Variants in FEZ1 observed in about 807,000 individuals in gnomAD.
FEZ1 encodes the protein fasciculation and elongation protein zeta 1, also known as fasciculation and elongation protein zeta-1.
A neutral mutation model predicts 49.3 loss-of-function variants in FEZ1; 20 were observed. That is an observed-to-expected ratio of 0.41 (90% CI 0.29 to 0.59). The LOEUF (loss-of-function observed/expected upper bound fraction) is 0.59, where lower values mean the gene tolerates loss of function less well. Ranked by LOEUF, FEZ1 falls within the 20% of genes least tolerant of loss-of-function variation. The pLI, the probability that FEZ1 is intolerant of heterozygous loss-of-function variation, is 0.36. For missense variants in FEZ1, 413 were observed against 476.0 expected (o/e 0.87, Z 1.23); for synonymous variants, 170 against 180.9 (o/e 0.94, Z 0.48).
At position 125,481,519 on chromosome 11, in the gene FEZ1, G is replaced by A. The variant is rs777457771; in HGVS notation, c.411+15C>T. ...CATCTCAAGCCCTGCTAAACCAGGG[G>A]CCCCGGAGAGGTACCTCAGTGTCAG... On this transcript the variant is annotated intron_variant, in intron 3 of 9. Transcript: ENST00000278919. 6.6e-7 allele frequency: 1 copy of A among 1,515,418 alleles called. No homozygotes were observed. The highest frequency in any genetic ancestry group is 1.7e-5 in the Admixed American group (1 of 59,908). The allele number at this position is 1,515,418 out of a possible 1,614,324, so 93.9% of individuals were successfully genotyped here. A position where few individuals can be genotyped will look rare whatever the true frequency, so the allele number is the denominator to read the frequency against.
Position 125,460,577 on chromosome 11 carries a change from A to G in FEZ1, c.588T>C (p.Thr196=). 1 of 1,613,756 alleles carries G rather than the reference A, an allele frequency of 6.2e-7. No homozygotes were observed. Among genetic ancestry groups the G allele is most frequent in the East Asian group, 2.2e-5 (1 of 44,872 alleles). The change falls in exon 5 of 10, where the codon ACT becomes ACC. Residue 196 remains threonine, a synonymous_variant. Transcript: ENST00000278919. Reference sequence around the variant, plus strand: ...GGAGGACCGAGTCTGCCTGGGAGGAAGTTTCTCCTCCATCCTCTTCTTCCA... The same window carrying G: ...GGAGGACCGAGTCTGCCTGGGAGGAGGTTTCTCCTCCATCCTCTTCTTCCA... ...EVLEEEDGGE[T]SSQADSVLLQ... is the part of the protein sequence containing the mutation.
intron 2 of FEZ1, among the ~76,000 whole-genome samples, chr11:125,484,225 G>A (rs1045376562): frequency 5.3e-5 from 8 of 152,108 alleles, no homozygotes; most frequent in African/African-American, 1.4e-4. Context: ...AACCAGATTC[G>A]AAACATGGAT....
intron 2 of FEZ1, among the ~76,000 whole-genome samples, chr11:125,482,700 C>G (rs1319063819): frequency 6.6e-6 from 1 of 152,066 alleles, no homozygotes; most frequent in Non-Finnish European, 1.5e-5. Context: ...CGCGATGGCT[C>G]ACGCCTGAAA....
In FEZ1 at chr11:125,489,099, T is replaced by C; in HGVS notation, c.311+368A>G. The C allele has an allele frequency of 4.0e-6, 4 of 994,148 alleles. No individual in the cohort carries two copies. The highest frequency in any genetic ancestry group is 4.8e-6 in the Non-Finnish European group (4 of 836,040). 61.6% of individuals were successfully genotyped at this position (994,148 alleles called of 1,614,324 possible). A position where few individuals can be genotyped will look rare whatever the true frequency, so the allele number is the denominator to read the frequency against. On this transcript the variant is annotated intron_variant, in intron 2 of 9. Coordinates refer to ENST00000278919, the MANE Select transcript of FEZ1 (RefSeq NM_005103.5). The surrounding 1 kb of genome is among the most constrained non-coding windows in gnomAD (Gnocchi z 4.2). ...CTTGAAGCAAATTAGTCCAATAACATAGATTCATCCATCATGGTTAATTAA... is the reference window on the plus strand; with the variant it reads ...CTTGAAGCAAATTAGTCCAATAACACAGATTCATCCATCATGGTTAATTAA...
chr11:125,467,123 T>C (rs954942940), intron 3 of FEZ1, among the ~76,000 whole-genome samples: 16 of 151,474 alleles, frequency 1.1e-4, no homozygotes, highest in Admixed American at 2.6e-4. Context: ...AGCCTCTAAC[T>C]CCTTTGCTCG....
At chr11:125,449,616 G>C (rs952512862) in intron 8 of FEZ1, among the ~76,000 whole-genome samples, 4 of 152,064 alleles carry the variant, frequency 2.6e-5, no homozygotes, top group Admixed American at 2.0e-4. Context: ...CTGAGTGTAA[G>C]ACAATAGGGG....
intron 5 of FEZ1, among the ~76,000 whole-genome samples, chr11:125,457,429 A>AAAAAAAATATAT (rs1164500309): frequency 4.8e-5 from 1 of 20,912 alleles, no homozygotes; most frequent in Non-Finnish European, 7.9e-5. Context: ...AAAAAAAAAA[A>AAAAAAAATATAT]ATATATATAT....
In FEZ1 at chr11:125,473,150, A is replaced by G. The variant is rs1437211993; in HGVS notation, c.411+8384T>C. Among the ~76,000 whole-genome samples, 14 of 152,218 alleles carry G rather than the reference A, an allele frequency of 9.2e-5. No homozygotes were observed. The East Asian group carries it at 2.7e-3, about 29-fold the overall frequency. On this transcript the variant is annotated intron_variant, in intron 3 of 9. Coordinates refer to ENST00000278919, the MANE Select transcript of FEZ1 (RefSeq NM_005103.5). ...TACAGTGTGGGATTGGCATAAAGATAGACACATTTTAAAATAAATTAGGGA... is the reference window on the plus strand; with the variant it reads ...TACAGTGTGGGATTGGCATAAAGATGGACACATTTTAAAATAAATTAGGGA...
rs1005198148 is a variant in FEZ1, at chr11:125,460,225, T to C, written c.667+273A>G. On this transcript the variant is annotated intron_variant, in intron 5 of 9. Coordinates refer to ENST00000278919, the MANE Select transcript of FEZ1 (RefSeq NM_005103.5). Reference sequence around the variant, plus strand: ...GGTAGCATCATTCATTGCTTTTATATAGTAGTTCAGATTTCTTCTGCTTAT... The same window carrying C: ...GGTAGCATCATTCATTGCTTTTATACAGTAGTTCAGATTTCTTCTGCTTAT... The C allele has an allele frequency of 2.1e-5, 7 of 331,062 alleles. No homozygotes were observed. In the East Asian group the frequency reaches 3.0e-4, roughly 14 times the overall value. The allele number at this position is 331,062 out of a possible 1,614,324, so 20.5% of individuals were successfully genotyped here. A position where few individuals can be genotyped will look rare whatever the true frequency, so the allele number is the denominator to read the frequency against.
intron 3 of FEZ1, among the ~76,000 whole-genome samples, chr11:125,472,477 A>G (rs1286844846): frequency 1.3e-5 from 2 of 152,096 alleles, no homozygotes. Flanking sequence ...AAAATTATAA[A>G]CAAATGAATG....
intron 8 of FEZ1, among the ~76,000 whole-genome samples, chr11:125,450,087 G>A (rs1956940232): frequency 6.6e-6 from 1 of 151,628 alleles, no homozygotes; most frequent in Non-Finnish European, 1.5e-5. Context: ...GAGTGCAGTG[G>A]TGCGATCTCA....
In FEZ1 at chr11:125,481,681, C is replaced by T. The variant is rs990466938; in HGVS notation, c.312-48G>A. The T allele has an allele frequency of 3.8e-6, 5 of 1,307,140 alleles. No individual in the cohort carries two copies. The African/African-American group carries it at 7.2e-5, about 19-fold the overall frequency. The allele number at this position is 1,307,140 out of a possible 1,614,324, so 81.0% of individuals were successfully genotyped here. A position where few individuals can be genotyped will look rare whatever the true frequency, so the allele number is the denominator to read the frequency against. The stretch of plus-strand genomic sequence containing the variant: ...ATTAACACACATCTGTGGCCTGGCC[C>T]CGCCTGGAGGAAGGAAGAGCTGGGC... On this transcript the variant is annotated intron_variant, in intron 2 of 9. Transcript: ENST00000278919.
chr11:125,447,135 A>G (rs948148315), intron 9 of FEZ1, among the ~76,000 whole-genome samples: 44 of 152,194 alleles, frequency 2.9e-4, no homozygotes, highest in Non-Finnish European at 4.1e-4. Context: ...CAGACAATAT[A>G]TGTCACCCCA....
intron 3 of FEZ1, among the ~76,000 whole-genome samples, chr11:125,480,463 T>A (rs1394948032): frequency 1.3e-5 from 2 of 152,232 alleles, no homozygotes; most frequent in African/African-American, 4.8e-5. Context: ...CATTGTCAAG[T>A]GCAAGATCCG....
intron 2 of FEZ1, among the ~76,000 whole-genome samples, chr11:125,488,251 C>T (rs758041626): frequency 9.9e-5 from 15 of 152,184 alleles, no homozygotes; most frequent in Non-Finnish European, 2.1e-4. Context: ...CTCTATTTTG[C>T]TGTGAGCTGT....
intron 5 of FEZ1, among the ~76,000 whole-genome samples, chr11:125,457,481 C>T (rs978967204): frequency 5.9e-5 from 2 of 33,726 alleles, no homozygotes; most frequent in South Asian, 3.2e-3. Context: ...TGTATATATA[C>T]ACATATATGT....
intron 2 of FEZ1, among the ~76,000 whole-genome samples, chr11:125,487,652 T>C (rs1212895669): frequency 6.6e-6 from 1 of 152,214 alleles, no homozygotes; most frequent in Non-Finnish European, 1.5e-5. Flanking sequence ...TCTGTGATCA[T>C]ACCTTCCGGC....
chr11:125,452,063 C>G (rs1359258232), intron 8 of FEZ1, among the ~76,000 whole-genome samples: 2 of 152,210 alleles, frequency 1.3e-5, no homozygotes, highest in Non-Finnish European at 2.9e-5. Flanking sequence ...TGCACCAGCA[C>G]CCCAACCTCT....
chr11:125,491,703 G>C (rs1004927285), intron 1 of FEZ1, among the ~76,000 whole-genome samples: 5 of 152,132 alleles, frequency 3.3e-5, no homozygotes, highest in African/African-American at 1.2e-4. Context: ...CTCTAAATAA[G>C]CAAGGCAAAG....
Sources: gnomAD v4.1 joint callset for allele counts (sites outside exome capture counted in the v4.1 genomes callset) on GRCh38, gnomAD v4.1.1 for gene constraint, Gnocchi (gnomAD v3.1) non-coding constraint, MANE v1.5 for transcripts, NCBI Gene and HGNC (gene_info 2026-07-23, HGNC 2026-07-21) for gene names.